ANKFY1: variants seen among roughly 807,000 people sequenced by gnomAD.
ANKFY1 encodes the protein ankyrin repeat and FYVE domain-containing protein 1.
ANKFY1 carries 47 observed loss-of-function variants against 128.3 expected under a neutral mutation model. That is an observed-to-expected ratio of 0.37 (90% CI 0.29 to 0.47). ANKFY1 has a LOEUF of 0.47. Ranked by LOEUF, ANKFY1 falls within the 20% of genes least tolerant of loss-of-function variation. The pLI is 1.00. For synonymous variants in ANKFY1, 553 were observed against 601.6 expected (o/e 0.92, Z 1.18); for missense variants, 1,222 against 1,510.6 (o/e 0.81, Z 3.17).
intron 1 of ANKFY1, among the ~76,000 whole-genome samples, chr17:4,258,823 G>A (rs550627831): frequency 6.6e-6 from 1 of 152,266 alleles, no homozygotes; most frequent in Admixed American, 6.5e-5. Flanking sequence ...CCAGGACATG[G>A]AATGTTTTCC....
chr17:4,173,456 A>T lies in ANKFY1; in HGVS notation c.2924-12T>A. The T allele has an allele frequency of 6.2e-7, 1 of 1,613,062 alleles. No individual in the cohort carries two copies. Among genetic ancestry groups the T allele is most frequent in the South Asian group, 1.1e-5 (1 of 91,058 alleles). ...AGCAAGATGAAGAGCTGGGAAGTAA[A>T]TCCTCTTACTATGCAAGCCCAGAAG... On this transcript the variant is annotated splice_polypyrimidine_tract_variant and intron_variant, in intron 20 of 24. Coordinates refer to ENST00000341657, the MANE Select transcript of ANKFY1 (RefSeq NM_001330063.2).
At chr17:4,227,255 TA>T (rs1291390041) in intron 3 of ANKFY1, among the ~76,000 whole-genome samples, 1 of 151,880 alleles carries the variant, frequency 6.6e-6, no homozygotes, top group Non-Finnish European at 1.5e-5. Flanking sequence ...ATAGAGACAT[TA>T]AAAAAAATTA....
rs766843766 is a variant in ANKFY1, at chr17:4,167,954, C to T, written c.3378-43G>A. Reference sequence around the variant, plus strand: ...GGAAGTATGAGAGGAGCGCCAACGACAGACTCTGCTTCCTGGCACGTGAGG... The same window carrying T: ...GGAAGTATGAGAGGAGCGCCAACGATAGACTCTGCTTCCTGGCACGTGAGG... On this transcript the variant is annotated intron_variant, in intron 24 of 24. Transcript: ENST00000341657. The surrounding 1 kb of genome is among the most constrained non-coding windows in gnomAD (Gnocchi z 4.1). 9 of 1,590,854 alleles carry T rather than the reference C, an allele frequency of 5.7e-6. No homozygotes were observed. The highest frequency in any genetic ancestry group is 7.7e-6 in the Non-Finnish European group (9 of 1,165,824).
At position 4,174,046 on chromosome 17, in the gene ANKFY1, C is replaced by T. The variant is rs371373806; in HGVS notation, c.2786G>A (p.Gly929Glu). 25 of 1,614,000 alleles carry T rather than the reference C, an allele frequency of 1.5e-5. No individual in the cohort carries two copies. The African/African-American group carries it at 3.3e-4, about 22-fold the overall frequency. ...CTTGGTTAATTCGTTCACTTTGGCT[C>T]CCGCAAGAAGCTGTTGAAGTTCATT... Reference protein sequence around the residue: ...EIIVRNLLLAGAKVNELTKHR... With the variant: ...EIIVRNLLLAEAKVNELTKHR... The change falls in exon 20 of 25, where the codon GGA becomes GAA. Residue 929 changes from glycine to glutamate, a missense_variant. Physicochemically the swap from Gly to Glu is moderately conservative, Grantham distance 98 (BLOSUM62 -2). Coordinates refer to ENST00000341657, the MANE Select transcript of ANKFY1 (RefSeq NM_001330063.2).
intron 3 of ANKFY1, among the ~76,000 whole-genome samples, chr17:4,230,901 T>G (rs979675746): frequency 2.0e-5 from 3 of 152,232 alleles, no homozygotes; most frequent in African/African-American, 7.2e-5. Context: ...ATAACCATAG[T>G]ACAATGATCA....
At position 4,202,262 on chromosome 17, in the gene ANKFY1, G is replaced by T. The variant is rs190181757; in HGVS notation, c.898+4059C>A. ...ACAAAAATAGAAAAATTAGCCAAGC[G>T]TAGTGGCATGTGCCTGTAATCCCAG... is the stretch of plus-strand genomic sequence containing the variant. On this transcript the variant is annotated intron_variant, in intron 7 of 24. Coordinates refer to ENST00000341657, the MANE Select transcript of ANKFY1 (RefSeq NM_001330063.2). Among the ~76,000 whole-genome samples the T allele has an allele frequency of 6.0e-3, 920 of 152,110 alleles. 2 individuals carry two copies. The highest frequency in any genetic ancestry group is 0.028 in the South Asian group (136 of 4,812).
intron 24 of ANKFY1, 156 bp from the exon 25 acceptor site, chr17:4,168,067 G>T: frequency 1.4e-6 from 1 of 701,986 alleles, no homozygotes; most frequent in Non-Finnish European, 2.2e-6. Context: ...CACAATTCAT[G>T]TAGAATTTTT....
chr17:4,172,563 G>A lies in ANKFY1; in HGVS notation c.3132C>T (p.Gly1044=), dbSNP rs1178687079. The part of the protein sequence containing the change: ...GYPLDKPDAD[G]STVLLLAYMK... ...CCAGCCCTTGGTACACACCCGTGCT[G>A]CCGTCTGCATCCGGCTTGTCCAGAG... The change falls in exon 22 of 25, where the codon GGC becomes GGT. Residue 1044 remains glycine, a synonymous_variant. Coordinates refer to ENST00000341657, the MANE Select transcript of ANKFY1 (RefSeq NM_001330063.2). 1 of 1,613,668 alleles carries A rather than the reference G, an allele frequency of 6.2e-7. No individual in the cohort carries two copies. The highest frequency in any genetic ancestry group is 2.2e-5 in the East Asian group (1 of 44,852).
In ANKFY1 at chr17:4,209,863, T is replaced by C. The variant is rs1166777872; in HGVS notation, c.543A>G (p.Thr181=). The C allele has an allele frequency of 1.2e-6, 2 of 1,614,050 alleles. No individual in the cohort carries two copies. Among genetic ancestry groups the C allele is most frequent in the Non-Finnish European group, 1.7e-6 (2 of 1,179,936 alleles). ...TAATTTCTGCACAGTAGTTCATCAG[T>C]GTGCTGGCATTCAGCTCCTCTGCCG... ...YQTAEELNAS[T]LMNYCAEIIA... Residue 181 remains threonine (T), a synonymous_variant, in exon 5 of 25, where the codon ACA becomes ACG. Transcript: ENST00000341657.
intron 24 of ANKFY1, chr17:4,168,341 T>A (rs2059249554): frequency 6.3e-6 from 1 of 158,844 alleles, no homozygotes; most frequent in Admixed American, 6.2e-5. Flanking sequence ...GAATCCCAGC[T>A]GCTCAGGAGG....
rs61260385 is a variant in ANKFY1 at position 4,214,523 on chromosome 17, C to CT, written c.458+2459dup. 8.0e-3 allele frequency among the ~76,000 whole-genome samples: 1,092 copies of CT among 136,120 alleles called. 7 individuals are homozygous for CT. The highest frequency in any genetic ancestry group is 0.019 in the Middle Eastern group (5 of 264). 89.3% of individuals were successfully genotyped at this position (136,120 alleles called of 152,430 possible). A position where few individuals can be genotyped will look rare whatever the true frequency, so the allele number is the denominator to read the frequency against. ...AGAGATACAAAAACGATAAACCTAACTTTTTTTTTTTTTTTTTTTGAGATG... is the reference window on the plus strand; with the variant it reads ...AGAGATACAAAAACGATAAACCTAACTTTTTTTTTTTTTTTTTTTTGAGATG... On this transcript the variant is annotated intron_variant, in intron 4 of 24. Coordinates refer to ENST00000341657, the MANE Select transcript of ANKFY1 (RefSeq NM_001330063.2).
At position 4,164,173 on chromosome 17, in the gene ANKFY1, T is replaced by G. The variant is rs975955839; in HGVS notation, c.*3606A>C. 1.3e-5 allele frequency: 2 copies of G among 152,524 alleles called. No individual in the cohort carries two copies. The highest frequency in any genetic ancestry group is 2.9e-5 in the Non-Finnish European group (2 of 68,036). 9.4% of individuals were successfully genotyped at this position (152,524 alleles called of 1,614,324 possible). A position where few individuals can be genotyped will look rare whatever the true frequency, so the allele number is the denominator to read the frequency against. On this transcript the variant is annotated 3_prime_UTR_variant, in exon 25 of 25. Transcript: ENST00000341657. The stretch of plus-strand genomic sequence containing the variant: ...ATGTCGTAACAGCCAACTCCACACA[T>G]CTGCCAAAAAAGAGCAAGTCATCAA...
chr17:4,173,380 T>C lies in ANKFY1; in HGVS notation c.2988A>G (p.Thr996=). 3 of 1,614,178 alleles carry C rather than the reference T, an allele frequency of 1.9e-6. No homozygotes were observed. Among genetic ancestry groups the C allele is most frequent in the Middle Eastern group, 1.6e-4 (1 of 6,062 alleles). The part of the protein sequence containing the change: ...NNIRVLLTEC[T]VDAEAFNLRG... ...TGAGATTAAAGGCTTCGGCGTCCAC[T>C]GTGCACTCTGTCAGGAGAACCCGGA... The change falls in exon 21 of 25, where the codon ACA becomes ACG. Residue 996 remains threonine, a synonymous_variant. Coordinates refer to ENST00000341657, the MANE Select transcript of ANKFY1 (RefSeq NM_001330063.2).
chr17:4,256,851 G>A (rs923892956), intron 1 of ANKFY1, among the ~76,000 whole-genome samples: 1 of 152,136 alleles, frequency 6.6e-6, no homozygotes, highest in East Asian at 1.9e-4. Flanking sequence ...TCTGCCTCAT[G>A]TTACAGTTGG....
At chr17:4,253,354 T>C (rs956037868) in intron 1 of ANKFY1, among the ~76,000 whole-genome samples, 2 of 152,184 alleles carry the variant, frequency 1.3e-5, no homozygotes, top group African/African-American at 4.8e-5. Flanking sequence ...GTGATAGAAA[T>C]CTTCTAGCAT....
At chr17:4,183,964 C>T (rs2059564331) in intron 12 of ANKFY1, 54 bp from the exon 13 acceptor site, 1 of 1,485,308 alleles carries the variant, frequency 6.7e-7, no homozygotes. Context: ...GTGGATCACA[C>T]TTAAAGCTTC....
chr17:4,231,767 A>G (rs1356021783), intron 3 of ANKFY1, among the ~76,000 whole-genome samples: 1 of 151,838 alleles, frequency 6.6e-6, no homozygotes, highest in Non-Finnish European at 1.5e-5. Context: ...CAACATGGCA[A>G]AATCTCATGT....
chr17:4,198,874 A>C (rs753011706), intron 7 of ANKFY1, among the ~76,000 whole-genome samples: 1 of 152,164 alleles, frequency 6.6e-6, no homozygotes, highest in Non-Finnish European at 1.5e-5. Context: ...GAGTCTACCT[A>C]GGACAATTTA....
chr17:4,252,433 G>A (rs1416094639), intron 1 of ANKFY1, among the ~76,000 whole-genome samples: 1 of 152,126 alleles, frequency 6.6e-6, no homozygotes, highest in Non-Finnish European at 1.5e-5. Flanking sequence ...GCCAAGTGTG[G>A]TGGTGTGCAC....
Sources: allele counts gnomAD v4.1 joint callset (sites outside exome capture counted in the v4.1 genomes callset), GRCh38; gene constraint gnomAD v4.1.1; non-coding constraint Gnocchi (gnomAD v3.1); transcripts MANE v1.5; gene names NCBI Gene and HGNC (gene_info 2026-07-23, HGNC 2026-07-21).